EYS: variants seen among roughly 807,000 people sequenced by gnomAD.
EYS encodes the protein EGF-like photoreceptor maintenance factor, also known as protein eyes shut homolog.
EYS carries 250 observed loss-of-function variants against 282.1 expected under a neutral mutation model. That is an observed-to-expected ratio of 0.89 (90% CI 0.80 to 0.98). The LOEUF (loss-of-function observed/expected upper bound fraction) is 0.98, where lower values mean the gene tolerates loss of function less well. Ranked by LOEUF, EYS falls within the 50% of genes least tolerant of loss-of-function variation. EYS has a pLI of 0.00. For synonymous variants in EYS, 1,355 were observed against 1,282.9 expected, an observed-to-expected ratio of 1.06 and a Z score of -1.20; for missense variants, 4,016 against 3,709.0, an observed-to-expected ratio of 1.08 and a Z score of -2.15.
intron 2 of EYS, among the ~76,000 whole-genome samples, chr6:65,536,830 G>A (rs914698117): frequency 2.6e-5 from 4 of 152,066 alleles, no homozygotes; most frequent in South Asian, 2.1e-4. Context: ...GTTGTTAAAC[G>A]TCTCTAAATT....
intron 2 of EYS, among the ~76,000 whole-genome samples, chr6:65,605,847 T>A (rs772199567): frequency 1.3e-5 from 2 of 151,744 alleles, no homozygotes; most frequent in Non-Finnish European, 3.0e-5. Flanking sequence ...ATTGTATGCA[T>A]AAAAGAATAA....
chr6:64,755,293 G>A (rs185873088), intron 22 of EYS, among the ~76,000 whole-genome samples: 285 of 152,082 alleles, frequency 1.9e-3, no homozygotes, highest in Middle Eastern at 3.4e-3. Context: ...AAGAATTATA[G>A]GTGACACAAG....
In EYS at chr6:64,779,734, G is replaced by A. The variant is rs532561796; in HGVS notation, c.3443+33644C>T. Among the ~76,000 whole-genome samples, 3 of 152,214 alleles carry A rather than the reference G, an allele frequency of 2.0e-5. No individual in the cohort carries two copies. The East Asian group carries it at 5.8e-4, about 29-fold the overall frequency. On this transcript the variant is annotated intron_variant, in intron 22 of 42. Coordinates refer to ENST00000503581, the MANE Select transcript of EYS (RefSeq NM_001142800.2). Reference sequence around the variant, plus strand: ...AAGAGGAAACTGGGGTGGAAGGAGGGATATGTTTATAGAAACTCTTCCCAC... The same window carrying A: ...AAGAGGAAACTGGGGTGGAAGGAGGAATATGTTTATAGAAACTCTTCCCAC...
At chr6:64,926,850 G>T (rs1211513876) in intron 15 of EYS, among the ~76,000 whole-genome samples, 1 of 152,116 alleles carries the variant, frequency 6.6e-6, no homozygotes, top group Non-Finnish European at 1.5e-5. Flanking sequence ...TATTTGTAAA[G>T]AATTCCTATA....
intron 2 of EYS, among the ~76,000 whole-genome samples, chr6:65,563,791 G>T (rs988054354): frequency 7.2e-5 from 11 of 152,002 alleles, no homozygotes; most frequent in African/African-American, 1.5e-4. Flanking sequence ...TTGTCAGGTG[G>T]CCCCTTAATT....
intron 22 of EYS, among the ~76,000 whole-genome samples, chr6:64,761,792 A>T (rs926784803): frequency 6.6e-6 from 1 of 152,194 alleles, no homozygotes; most frequent in Admixed American, 6.5e-5. Context: ...AAGAACAAAT[A>T]GAAAAGGTAA....
In EYS at chr6:65,335,164, G is replaced by A; in HGVS notation, c.1600-18C>T. On this transcript the variant is annotated intron_variant, in intron 10 of 42. Transcript: ENST00000503581. ...GCACAAATCTATAGCAACGAAAGAAGTAAAAATGTTATGAATTCCCATCAC... is the reference window on the plus strand; with the variant it reads ...GCACAAATCTATAGCAACGAAAGAAATAAAAATGTTATGAATTCCCATCAC... 1.3e-6 allele frequency: 2 copies of A among 1,562,206 alleles called. No individual in the cohort carries two copies. The highest frequency in any genetic ancestry group is 1.8e-6 in the Non-Finnish European group (2 of 1,134,948).
At chr6:64,502,070 T>C (rs532418145) in intron 26 of EYS, among the ~76,000 whole-genome samples, 32 of 152,294 alleles carry the variant, frequency 2.1e-4, no homozygotes, top group Admixed American at 1.2e-3. Context: ...TAAGTACTTA[T>C]AGCAGTGCCA....
rs183717561 is a variant in EYS at position 65,134,561 on chromosome 6, G to A, written c.2024-76834C>T. 9.8e-4 allele frequency among the ~76,000 whole-genome samples: 149 copies of A among 151,978 alleles called. 1 individual carries two copies. The highest frequency in any genetic ancestry group is 1.3e-3 in the Non-Finnish European group (89 of 67,896). On this transcript the variant is annotated intron_variant, in intron 12 of 42. Coordinates refer to ENST00000503581, the MANE Select transcript of EYS (RefSeq NM_001142800.2). ...AGCCAAATGATGAGAACTCTTGGCC[G>A]CAAAGAGGAAGACGGAAACAACAGA...
chr6:65,553,169 T>A (rs866425238), intron 2 of EYS, among the ~76,000 whole-genome samples: 1 of 152,112 alleles, frequency 6.6e-6, no homozygotes, highest in African/African-American at 2.4e-5. Context: ...TATAGTGATA[T>A]CCTCCTAAAA....
intron 30 of EYS, among the ~76,000 whole-genome samples, chr6:64,277,063 G>A (rs1380654659): frequency 6.6e-6 from 1 of 152,028 alleles, no homozygotes; most frequent in East Asian, 1.9e-4. Flanking sequence ...CTATGACCAT[G>A]GCTGTCACCT....
rs565570695 is a variant in EYS at position 63,940,684 on chromosome 6, CTT to C, written c.7055+43697_7055+43698del. 3.0e-3 allele frequency among the ~76,000 whole-genome samples: 433 copies of C among 142,438 alleles called. 1 individual carries two copies. Among genetic ancestry groups the C allele is most frequent in the African/African-American group, 0.011 (419 of 39,092 alleles). The allele number at this position is 142,438 out of a possible 152,430, so 93.4% of individuals were successfully genotyped here. On this transcript the variant is annotated intron_variant, in intron 35 of 42. Transcript: ENST00000503581. ...CTGCCTGAATACGTTTTTTTTTCCT[CTT>C]TTTTTTTTTAATCATACTTTAACTT... is the stretch of plus-strand genomic sequence containing the variant.
intron 29 of EYS, among the ~76,000 whole-genome samples, chr6:64,332,691 G>C (rs1770692230): frequency 6.6e-6 from 1 of 152,160 alleles, no homozygotes; most frequent in South Asian, 2.1e-4. Context: ...ATCCACACTG[G>C]AGGCTGGTCG....
intron 26 of EYS, among the ~76,000 whole-genome samples, chr6:64,451,377 A>G (rs577191142): frequency 1.8e-4 from 28 of 152,282 alleles, no homozygotes; most frequent in Middle Eastern, 3.4e-3. Flanking sequence ...ATAGCTTACC[A>G]ACCAAAAAAA....
At chr6:64,749,758 C>G (rs1772680367) in intron 22 of EYS, among the ~76,000 whole-genome samples, 1 of 152,090 alleles carries the variant, frequency 6.6e-6, no homozygotes, top group Non-Finnish European at 1.5e-5. Context: ...ATCGATAGCC[C>G]AGGTTGTCTA....
chr6:65,063,759 C>G (rs929409615), intron 12 of EYS, among the ~76,000 whole-genome samples: 4 of 151,886 alleles, frequency 2.6e-5, no homozygotes, highest in Admixed American at 1.3e-4. Context: ...AAAAATGGCA[C>G]AAAGAGTTAT....
intron 22 of EYS, among the ~76,000 whole-genome samples, chr6:64,731,346 CA>C (rs754337788): frequency 6.6e-6 from 1 of 151,842 alleles, no homozygotes. Context: ...AACAAAAAAA[CA>C]AAAAACAAAA....
intron 33 of EYS, among the ~76,000 whole-genome samples, chr6:64,052,303 C>T (rs74393339): frequency 0.031 from 4,640 of 152,106 alleles, 118 homozygotes; most frequent in Middle Eastern, 0.054. Context: ...TACTTTTGAG[C>T]AACTCACATG....
intron 8 of EYS, among the ~76,000 whole-genome samples, chr6:65,377,866 A>C (rs1356812659): frequency 6.6e-6 from 1 of 152,130 alleles, no homozygotes; most frequent in Admixed American, 6.6e-5. Context: ...AAGAAGTCAA[A>C]TCGTGAATAG....
Sources: allele counts gnomAD v4.1 joint callset (sites outside exome capture counted in the v4.1 genomes callset), GRCh38; gene constraint gnomAD v4.1.1; transcripts MANE v1.5; gene names NCBI Gene and HGNC (gene_info 2026-07-23, HGNC 2026-07-21).